FBXO25: variants seen among roughly 807,000 people sequenced by gnomAD.
FBXO25 encodes the protein F-box protein 25.
Under a neutral mutation model 51.9 loss-of-function variants are expected in FBXO25, and 45 were observed. That is an observed-to-expected ratio of 0.87 (90% confidence interval 0.68 to 1.11). The LOEUF is 1.11. Ranked by LOEUF, FBXO25 falls within the 50% of genes most tolerant of loss-of-function variation. The pLI, the probability that FBXO25 is intolerant of heterozygous loss-of-function variation, is 0.00. For missense variants in FBXO25, 507 were observed against 428.5 expected, an observed-to-expected ratio of 1.18 and a Z score of -1.62; for synonymous variants, 199 against 151.0, an observed-to-expected ratio of 1.32 and a Z score of -2.33.
intron 7 of FBXO25, among the ~76,000 whole-genome samples, chr8:453,656 C>T (rs1799234934): frequency 6.6e-6 from 1 of 152,066 alleles, no homozygotes; most frequent in Non-Finnish European, 1.5e-5. Flanking sequence ...TTTGAGGTGA[C>T]TCAAGCAGAT....
intron 2 of FBXO25, among the ~76,000 whole-genome samples, chr8:427,352 T>A (rs1024434238): frequency 6.7e-6 from 1 of 150,158 alleles, no homozygotes; most frequent in Admixed American, 6.6e-5. Context: ...GTTTTGGTGT[T>A]GGTGAAATTA....
chr8:423,693 T>C (rs1331432483), intron 2 of FBXO25, among the ~76,000 whole-genome samples: 1 of 152,236 alleles, frequency 6.6e-6, no homozygotes, highest in African/African-American at 2.4e-5. Context: ...CAGTCTACCA[T>C]TGATGGGCAC....
intron 2 of FBXO25, among the ~76,000 whole-genome samples, chr8:428,902 G>A (rs1008904642): frequency 4.6e-5 from 7 of 152,140 alleles, no homozygotes; most frequent in African/African-American, 1.2e-4. Context: ...ATTCCATATT[G>A]TGTATAGTGT....
At position 413,150 on chromosome 8, in the gene FBXO25, G is replaced by T. The variant is rs5000141; in HGVS notation, c.71G>T (p.Arg24Ile). 3 of 1,611,366 alleles carry T rather than the reference G, an allele frequency of 1.9e-6. No homozygotes were observed. Among genetic ancestry groups the T allele is most frequent in the Non-Finnish European group, 2.5e-6 (3 of 1,178,828 alleles). ...ATTAAGACAGAAGATGGCTGGAAGA[G>T]ATGTGAATCTTGTAGTCAGAAACTT... ...SWIKTEDGWK[R>I]CESCSQKLER... Residue 24 changes from arginine (R) to isoleucine (I), a missense_variant, in exon 2 of 10, where the codon AGA becomes ATA. Transcript: ENST00000350302.
intron 8 of FBXO25, among the ~76,000 whole-genome samples, chr8:459,043 C>T (rs994559571): frequency 7.2e-5 from 11 of 152,302 alleles, no homozygotes; most frequent in Middle Eastern, 3.4e-3. Flanking sequence ...AAGGTGTGTT[C>T]TGCTGTCACT....
intron 5 of FBXO25, among the ~76,000 whole-genome samples, chr8:449,362 A>G (rs11136698): frequency 0.096 from 14,583 of 152,304 alleles, 1,026 homozygotes; most frequent in East Asian, 0.37. Context: ...TCATTCCCAC[A>G]GGAGACCTCT....
At chr8:464,407 C>A (rs971932945) in intron 9 of FBXO25, among the ~76,000 whole-genome samples, 4 of 152,134 alleles carry the variant, frequency 2.6e-5, no homozygotes, top group African/African-American at 9.7e-5. Flanking sequence ...CTGGAGTGAC[C>A]CTGCTGAGCT....
At chr8:456,552 C>A (rs937578266) in intron 7 of FBXO25, among the ~76,000 whole-genome samples, 1 of 152,174 alleles carries the variant, frequency 6.6e-6, no homozygotes. Flanking sequence ...CCATAGCCTA[C>A]AACAGGGCTG....
intron 5 of FBXO25, among the ~76,000 whole-genome samples, chr8:444,648 A>G (rs1301473096): frequency 6.6e-6 from 1 of 152,118 alleles, no homozygotes; most frequent in East Asian, 1.9e-4. Flanking sequence ...GAATTGTCAG[A>G]TTTGAGGAGA....
chr8:444,859 G>T (rs1441724017), intron 5 of FBXO25, among the ~76,000 whole-genome samples: 1 of 152,158 alleles, frequency 6.6e-6, no homozygotes, highest in Non-Finnish European at 1.5e-5. Context: ...AGCTGTGTAG[G>T]TGTTGTGTAA....
chr8:416,524 G>T (rs1423595172), intron 2 of FBXO25, among the ~76,000 whole-genome samples: 2 of 152,168 alleles, frequency 1.3e-5, no homozygotes, highest in Non-Finnish European at 2.9e-5. Context: ...TACCCCCAGG[G>T]GTAGAGTCAT....
At chr8:462,613 G>A (rs1174690685) in intron 8 of FBXO25, among the ~76,000 whole-genome samples, 9 of 152,238 alleles carry the variant, frequency 5.9e-5, no homozygotes, top group Admixed American at 1.3e-4. Flanking sequence ...GATAGACCTG[G>A]AGGCCATTAT....
chr8:473,738 T>C lies in FBXO25; in HGVS notation c.*4934T>C, dbSNP rs541968576. 1 of 103,124 alleles carries C rather than the reference T, an allele frequency of 9.7e-6. No individual in the cohort carries two copies. The highest frequency in any genetic ancestry group is 2.0e-5 in the Non-Finnish European group (1 of 48,954). 6.4% of individuals were successfully genotyped at this position (103,124 alleles called of 1,614,324 possible). ...TGCGGTTTCTTTGAAATGCTCTTGT[T>C]CTTCCTAAGTAAGGGAGAGCAAAAA... On this transcript the variant is annotated 3_prime_UTR_variant, in exon 10 of 10. Transcript: ENST00000350302.
In FBXO25 at chr8:468,796, A is replaced by G; in HGVS notation, c.1069A>G (p.Lys357Glu). The G allele has an allele frequency of 6.2e-7, 1 of 1,613,844 alleles. No homozygotes were observed. The highest frequency in any genetic ancestry group is 8.5e-7 in the Non-Finnish European group (1 of 1,179,964). Residue 357 changes from lysine to glutamate, a missense_variant, in exon 10 of 10, where the codon AAG (lysine) becomes GAG (glutamate). Coordinates refer to ENST00000350302, the MANE Select transcript of FBXO25 (RefSeq NM_183420.2). Reference protein sequence around the residue: ...VSPQHFIDLFKF With the variant: ...VSPQHFIDLFEF ...TCCGCAGCACTTCATCGACCTCTTC[A>G]AGTTTTAAGGGCTGCCCCTGCCATC...
chr8:446,614 A>G (rs560485456), intron 5 of FBXO25, among the ~76,000 whole-genome samples: 1 of 152,366 alleles, frequency 6.6e-6, no homozygotes, highest in Non-Finnish European at 1.5e-5. Flanking sequence ...GCTATTCAAC[A>G]CTAAAACAAG....
chr8:445,565 G>C (rs979861751), intron 5 of FBXO25, among the ~76,000 whole-genome samples: 5 of 152,218 alleles, frequency 3.3e-5, no homozygotes, highest in African/African-American at 7.2e-5. Flanking sequence ...TTAAAAGTAA[G>C]GACTGGGCTG....
chr8:416,851 A>G (rs536812099), intron 2 of FBXO25, among the ~76,000 whole-genome samples: 1 of 152,360 alleles, frequency 6.6e-6, no homozygotes, highest in South Asian at 2.1e-4. Flanking sequence ...GGTGAAACAG[A>G]TAGGCAGTGG....
At chr8:438,243 G>C (rs1054963464) in intron 5 of FBXO25, among the ~76,000 whole-genome samples, 6 of 152,076 alleles carry the variant, frequency 3.9e-5, no homozygotes, top group African/African-American at 1.4e-4. Flanking sequence ...ATTTTTAGTA[G>C]AGATGGGGTT....
At chr8:442,918 C>A (rs1364358436) in intron 5 of FBXO25, among the ~76,000 whole-genome samples, 2 of 152,082 alleles carry the variant, frequency 1.3e-5, no homozygotes, top group Non-Finnish European at 2.9e-5. Flanking sequence ...CTATTTAATT[C>A]CAGGCATTTC....
Sources: allele counts gnomAD v4.1 joint callset (sites outside exome capture counted in the v4.1 genomes callset), GRCh38; gene constraint gnomAD v4.1.1; transcripts MANE v1.5; gene names NCBI Gene and HGNC (gene_info 2026-07-23, HGNC 2026-07-21).